The following NEBL variants were observed in gnomAD, a reference collection of about 807,000 sequenced individuals.
NEBL encodes the protein nebulette.
In NEBL, 122 loss-of-function variants were observed where a neutral mutation model predicts 140.2. The observed-to-expected ratio is 0.87, with a 90% confidence interval of 0.75 to 1.01. NEBL has a LOEUF of 1.01. Among genes scored for constraint, NEBL ranks in the 50% least tolerant of loss-of-function variants. NEBL has a pLI of 0.00. For synonymous variants in NEBL, 436 were observed against 398.9 expected, an observed-to-expected ratio of 1.09 and a Z score of -1.11; for missense variants, 1,365 against 1,231.3, an observed-to-expected ratio of 1.11 and a Z score of -1.62.
chr10:21,082,278 T>C (rs942231423), intron 2 of NEBL, among the ~76,000 whole-genome samples: 10 of 152,138 alleles, frequency 6.6e-5, no homozygotes, highest in Non-Finnish European at 1.3e-4. Context: ...AAAGAATATT[T>C]ATTTGGGCAA....
intron 4 of NEBL, among the ~76,000 whole-genome samples, chr10:20,955,354 G>A (rs1835747586): frequency 6.6e-6 from 1 of 152,182 alleles, no homozygotes; most frequent in Non-Finnish European, 1.5e-5. Context: ...ATAGCACAAA[G>A]TCCCACAATA....
At chr10:20,878,078 A>T (rs1345065139) in intron 5 of NEBL, among the ~76,000 whole-genome samples, 1 of 152,114 alleles carries the variant, frequency 6.6e-6, no homozygotes, top group Non-Finnish European at 1.5e-5. Context: ...TACTGTTTGG[A>T]GATCATTTAA....
intron 3 of NEBL, among the ~76,000 whole-genome samples, chr10:21,017,516 A>G (rs1838602511): frequency 6.6e-6 from 1 of 152,178 alleles, no homozygotes; most frequent in South Asian, 2.1e-4. Context: ...AATTATTTGT[A>G]TATGCCACCC....
chr10:21,000,425 T>C (rs1338204167), intron 3 of NEBL, among the ~76,000 whole-genome samples: 1 of 151,974 alleles, frequency 6.6e-6, no homozygotes. Flanking sequence ...CTGTCAAAAG[T>C]GACTTTTCCT....
chr10:21,276,595 G>A (rs1184230189), intron 1 of NEBL, among the ~76,000 whole-genome samples: 1 of 152,174 alleles, frequency 6.6e-6, no homozygotes, highest in Non-Finnish European at 1.5e-5. Context: ...GGAGGCCGAG[G>A]TGGATGGATC....
chr10:21,037,729 T>C (rs538293102), intron 2 of NEBL, among the ~76,000 whole-genome samples: 8 of 152,220 alleles, frequency 5.3e-5, no homozygotes, highest in Non-Finnish European at 1.2e-4. Flanking sequence ...TGTGTGATTG[T>C]TGAAATAAAA....
chr10:20,805,141 C>A (rs989056605), intron 26 of NEBL, among the ~76,000 whole-genome samples: 1 of 152,154 alleles, frequency 6.6e-6, no homozygotes. Flanking sequence ...TCAGGGATGA[C>A]TCCAAAGGGT....
intron 3 of NEBL, among the ~76,000 whole-genome samples, chr10:21,180,563 C>A (rs1397689075): frequency 6.6e-6 from 1 of 152,162 alleles, no homozygotes; most frequent in Admixed American, 6.5e-5. Flanking sequence ...AGGTAGTTTG[C>A]AAAGTCAACA....
intron 22 of NEBL, among the ~76,000 whole-genome samples, chr10:20,815,073 T>C (rs967277780): frequency 1.1e-4 from 16 of 152,236 alleles, no homozygotes; most frequent in South Asian, 2.1e-4. Context: ...GAGGGCATTA[T>C]GTACAATTCA....
At chr10:20,888,279 A>G in intron 3 of NEBL, 72 bp from the exon 4 acceptor site, 1 of 920,784 alleles carries the variant, frequency 1.1e-6, no homozygotes, top group Non-Finnish European at 1.7e-6. Context: ...TTATAAGTAG[A>G]AAAGAAGAAA....
intron 3 of NEBL, among the ~76,000 whole-genome samples, chr10:21,192,488 G>A (rs1046558512): frequency 5.3e-5 from 8 of 150,850 alleles, no homozygotes; most frequent in East Asian, 4.0e-4. Context: ...CACCGCGCCC[G>A]GCCAATAGAC....
intron 19 of NEBL, among the ~76,000 whole-genome samples, 187 bp from the exon 20 acceptor site, chr10:20,819,703 T>G (rs1340107637): frequency 6.6e-6 from 1 of 151,972 alleles, no homozygotes; most frequent in African/African-American, 2.4e-5. Context: ...GTCTTTTCCT[T>G]GTCAAGTGGT....
At chr10:20,831,089 C>T in intron 16 of NEBL, 107 bp downstream of exon 16, 1 of 832,066 alleles carries the variant, frequency 1.2e-6, no homozygotes, top group Non-Finnish European at 2.0e-6. Context: ...AGTACACTAG[C>T]TCTGAATGCA....
chr10:21,195,004 G>A (rs1464003604), intron 3 of NEBL, among the ~76,000 whole-genome samples: 9 of 152,194 alleles, frequency 5.9e-5, no homozygotes, highest in African/African-American at 2.2e-4. Flanking sequence ...AGACTGGATA[G>A]AGAGAACTTG....
At position 20,979,974 on chromosome 10, in the gene NEBL, T is replaced by C. The variant is rs1836966132; in HGVS notation, c.250-18195A>G. Among the ~76,000 whole-genome samples, 3 of 152,046 alleles carry C rather than the reference T, an allele frequency of 2.0e-5. No homozygotes were observed. The South Asian group carries it at 6.2e-4, about 32-fold the overall frequency. On this transcript the variant is annotated intron_variant, in intron 3 of 6. Transcript: ENST00000417816. ...TCCCAAATCACTGAGATTACAGAAGTTAACCACCACAACTGGACACAGTTT... is the reference window on the plus strand; with the variant it reads ...TCCCAAATCACTGAGATTACAGAAGCTAACCACCACAACTGGACACAGTTT...
At chr10:20,791,279 T>C (rs934334458) in intron 26 of NEBL, among the ~76,000 whole-genome samples, 1 of 152,190 alleles carries the variant, frequency 6.6e-6, no homozygotes, top group Non-Finnish European at 1.5e-5. Flanking sequence ...CTTCCACAGA[T>C]AGGCTATTTT....
intron 2 of NEBL, among the ~76,000 whole-genome samples, chr10:21,117,797 G>A (rs189450423): frequency 5.3e-5 from 8 of 152,118 alleles, no homozygotes; most frequent in Admixed American, 2.6e-4. Flanking sequence ...TGAGTATAGC[G>A]TGGTGGTTAT....
chr10:21,109,057 G>C (rs1291020746), intron 2 of NEBL, among the ~76,000 whole-genome samples: 1 of 152,140 alleles, frequency 6.6e-6, no homozygotes, highest in African/African-American at 2.4e-5. Flanking sequence ...TGGGGAGAGA[G>C]GGCATCCTTG....
intron 3 of NEBL, among the ~76,000 whole-genome samples, chr10:21,234,000 G>C (rs1482391004): frequency 3.2e-5 from 4 of 123,996 alleles, no homozygotes; most frequent in East Asian, 2.5e-4. Context: ...TATAATTTAG[G>C]AGATTGTGAG....
Sources: allele counts gnomAD v4.1 joint callset (sites outside exome capture counted in the v4.1 genomes callset), GRCh38; gene constraint gnomAD v4.1.1; transcripts MANE v1.5; gene names NCBI Gene and HGNC (gene_info 2026-07-23, HGNC 2026-07-21).